The following NHSL2 variants were observed in gnomAD, a reference collection of about 807,000 sequenced individuals.
NHSL2 encodes NHS like 2.
In NHSL2, 27 loss-of-function variants were observed where a neutral mutation model predicts 53.4. That is an observed-to-expected ratio of 0.51 (90% CI 0.37 to 0.70). The LOEUF is 0.70. Ranked by LOEUF, NHSL2 falls within the 30% of genes least tolerant of loss-of-function variation. The probability of loss-of-function intolerance (pLI) is 0.00; values close to 1 mark genes in which losing one functional copy is unlikely to be tolerated. For missense variants in NHSL2, 892 were observed against 980.1 expected, an observed-to-expected ratio of 0.91 and a Z score of 1.20; for synonymous variants, 408 against 404.1, an observed-to-expected ratio of 1.01 and a Z score of -0.12.
rs1283833256 is a variant in NHSL2, at chrX:72,046,777, C to T, written c.281-85302C>T. On this transcript the variant is annotated intron_variant, in intron 1 of 7. Transcript: ENST00000633930. ...CGGTGTCTTTACATTGCTGGCAAAG[C>T]ACCTTTTGCTGGCCCAGAGCAAGAT... 8.1e-5 allele frequency among the ~76,000 whole-genome samples: 9 copies of T among 110,707 alleles called. No individual in the cohort carries two copies. The East Asian group carries it at 2.6e-3, about 31-fold the overall frequency.
intron 1 of NHSL2, among the ~76,000 whole-genome samples, chrX:71,983,947 CT>C (rs1331008487): frequency 3.6e-5 from 4 of 111,392 alleles, no homozygotes; most frequent in Non-Finnish European, 5.7e-5. Flanking sequence ...TGCCGACCCC[CT>C]ATCTCATGCT....
At chrX:72,115,853 T>C (rs1328486692) in intron 1 of NHSL2, among the ~76,000 whole-genome samples, 1 of 111,511 alleles carries the variant, frequency 9.0e-6, no homozygotes, top group Non-Finnish European at 1.9e-5. Flanking sequence ...TCTCAAAATA[T>C]GATCTTTGCA....
At chrX:72,025,363 T>TA (rs1482113158) in intron 1 of NHSL2, among the ~76,000 whole-genome samples, 1 of 112,519 alleles carries the variant, frequency 8.9e-6, no homozygotes, top group Non-Finnish European at 1.9e-5. Context: ...GCACTCCTGA[T>TA]AGAGGGTGGG....
intron 1 of NHSL2, among the ~76,000 whole-genome samples, chrX:72,019,176 G>C (rs184883500): frequency 1.8e-5 from 2 of 112,587 alleles, no homozygotes; most frequent in Admixed American, 1.9e-4. Flanking sequence ...TGGAGGTTAC[G>C]AAGATTGGAG....
At chrX:71,965,581 G>A (rs112053079) in intron 1 of NHSL2, among the ~76,000 whole-genome samples, 6,553 of 111,408 alleles carry the variant, frequency 0.059, 210 homozygotes, top group East Asian at 0.27. Flanking sequence ...ATATTGAGGC[G>A]GTTATTCCAT....
intron 1 of NHSL2, among the ~76,000 whole-genome samples, chrX:71,911,992 A>AG: frequency 9.1e-6 from 1 of 110,218 alleles, no homozygotes. Flanking sequence ...AGTGGCCGGG[A>AG]GGGGGGAGGG....
chrX:72,086,421 C>T (rs1258419296), intron 1 of NHSL2, among the ~76,000 whole-genome samples: 2 of 112,020 alleles, frequency 1.8e-5, no homozygotes, highest in Non-Finnish European at 3.8e-5. Context: ...TGGTGGCTTA[C>T]GCCTATAATC....
Position 72,038,322 on chromosome X carries a change from T to A in NHSL2, c.281-93757T>A, listed in dbSNP as rs184752316. 2.0e-4 allele frequency among the ~76,000 whole-genome samples: 23 copies of A among 112,432 alleles called. No individual in the cohort carries two copies. The East Asian group carries it at 5.3e-3, about 26-fold the overall frequency. On this transcript the variant is annotated intron_variant, in intron 1 of 7. Coordinates refer to ENST00000633930, the MANE Select transcript of NHSL2 (RefSeq NM_001013627.3). ...AGCCTGAAACATCTTCTTCTCCACA[T>A]TTTCAAAATTACAAACTCTTTCAAC...
chrX:72,147,799 G>C lies in NHSL2; in HGVS notation c.*4225G>C, dbSNP rs1212197102. Reference sequence around the variant, plus strand: ...AAGAAAAACCTGCTCTCAGGAAAGGGATAAATTCATTTACTTTGAGATTAT... The same window carrying C: ...AAGAAAAACCTGCTCTCAGGAAAGGCATAAATTCATTTACTTTGAGATTAT... On this transcript the variant is annotated 3_prime_UTR_variant, in exon 8 of 8. Coordinates refer to ENST00000633930, the MANE Select transcript of NHSL2 (RefSeq NM_001013627.3). 1.8e-5 allele frequency: 2 copies of C among 111,852 alleles called. No individual in the cohort carries two copies. The highest frequency in any genetic ancestry group is 9.5e-5 in the Admixed American group (1 of 10,532). 9.2% of individuals were successfully genotyped at this position (111,852 alleles called of 1,213,427 possible).
chrX:72,116,820 G>C (rs1336692503), intron 1 of NHSL2, among the ~76,000 whole-genome samples: 2 of 111,574 alleles, frequency 1.8e-5, no homozygotes, highest in Non-Finnish European at 3.8e-5. Flanking sequence ...TCATCCTCAG[G>C]GAGGGAGAAA....
chrX:71,943,462 G>A (rs1406912616), intron 1 of NHSL2, among the ~76,000 whole-genome samples: 3 of 112,870 alleles, frequency 2.7e-5, no homozygotes, highest in Non-Finnish European at 3.7e-5. Flanking sequence ...CAGCCTAACA[G>A]TATCTGCACA....
intron 1 of NHSL2, among the ~76,000 whole-genome samples, chrX:72,062,557 G>C (rs755770634): frequency 3.7e-4 from 41 of 111,964 alleles, no homozygotes; most frequent in Non-Finnish European, 7.2e-4. Flanking sequence ...AACAGGGTTG[G>C]GGGTGGCCAG....
chrX:72,108,803 G>A (rs1186464090), intron 1 of NHSL2, among the ~76,000 whole-genome samples: 7 of 111,755 alleles, frequency 6.3e-5, no homozygotes, highest in Non-Finnish European at 1.1e-4. Flanking sequence ...AAGGAGAGCA[G>A]TCAGGTCACA....
At position 71,985,349 on chromosome X, in the gene NHSL2, A is replaced by C. The variant is rs770623516; in HGVS notation, c.280+73982A>C. On this transcript the variant is annotated intron_variant, in intron 1 of 7. Transcript: ENST00000633930. ...GACAAGGTATGAGGCCAGTTTCCCAAGGGGCTTTTATTGGCTCTATAAGTC... is the reference window on the plus strand; with the variant it reads ...GACAAGGTATGAGGCCAGTTTCCCACGGGGCTTTTATTGGCTCTATAAGTC... 9.8e-5 allele frequency among the ~76,000 whole-genome samples: 11 copies of C among 112,089 alleles called. No homozygotes were observed. In the South Asian group the frequency reaches 4.1e-3, roughly 42 times the overall value.
rs1289139009 is a variant in NHSL2 at position 72,083,925 on chromosome X, C to G, written c.281-48154C>G. 2.7e-5 allele frequency among the ~76,000 whole-genome samples: 3 copies of G among 111,958 alleles called. No individual in the cohort carries two copies. The East Asian group carries it at 8.4e-4, about 31-fold the overall frequency. On this transcript the variant is annotated intron_variant, in intron 1 of 7. Coordinates refer to ENST00000633930, the MANE Select transcript of NHSL2 (RefSeq NM_001013627.3). ...CCAGATTTTATTGCCCCTTACTCCC[C>G]CTGCCCACACACTGTCGTGCCTTCC...
At chrX:71,953,797 C>A (rs184910511) in intron 1 of NHSL2, among the ~76,000 whole-genome samples, 1 of 112,076 alleles carries the variant, frequency 8.9e-6, no homozygotes, top group African/African-American at 3.2e-5. Flanking sequence ...TTTATTTCTT[C>A]ATTAGCTTCC....
intron 1 of NHSL2, among the ~76,000 whole-genome samples, chrX:72,109,749 G>A (rs755496382): frequency 4.1e-4 from 46 of 111,829 alleles, no homozygotes; most frequent in African/African-American, 1.5e-3. Flanking sequence ...TTACAGGCAT[G>A]AGCCACCTCA....
chrX:72,025,069 G>A (rs898235885), intron 1 of NHSL2, among the ~76,000 whole-genome samples: 5 of 111,643 alleles, frequency 4.5e-5, no homozygotes, highest in African/African-American at 1.6e-4. Context: ...TAATAAATGT[G>A]TGATAAATGA....
chrX:72,068,492 C>T (rs919079622), intron 1 of NHSL2, among the ~76,000 whole-genome samples: 2 of 112,236 alleles, frequency 1.8e-5, no homozygotes, highest in African/African-American at 6.5e-5. Flanking sequence ...GCACTTGAGG[C>T]TGTCTAGCTC....
Sources: allele counts gnomAD v4.1 joint callset (sites outside exome capture counted in the v4.1 genomes callset), GRCh38; gene constraint gnomAD v4.1.1; transcripts MANE v1.5; gene names NCBI Gene and HGNC (gene_info 2026-07-23, HGNC 2026-07-21).